Variants in LAMA3 observed in about 807,000 individuals in gnomAD.
LAMA3 encodes the protein laminin subunit alpha-3.
In LAMA3, 281 loss-of-function variants were observed where a neutral mutation model predicts 402.0. That is an observed-to-expected ratio of 0.70 (90% CI 0.63 to 0.77). The LOEUF is 0.77. LAMA3 is among the 30% of genes least tolerant of loss of function. The pLI, the probability that LAMA3 is intolerant of heterozygous loss-of-function variation, is 0.00. For synonymous variants in LAMA3, 1,431 were observed against 1,558.4 expected, an observed-to-expected ratio of 0.92 and a Z score of 1.93; for missense variants, 3,840 against 4,215.5, an observed-to-expected ratio of 0.91 and a Z score of 2.47.
At position 23,946,183 on chromosome 18, in the gene LAMA3, G is replaced by A. The variant is rs574850904; in HGVS notation, c.9250G>A (p.Val3084Met). Reference protein sequence around the residue: ...GHDGEKGRLVVDGLRAREGSL... With the variant: ...GHDGEKGRLVMDGLRAREGSL... ...TGATGGGGAAAAGGGGCGCTTGGTT[G>A]TGGATGGACTGAGGGCCCGGGAGGG... The change falls in exon 70 of 75, where the codon GTG becomes ATG. Residue 3084 changes from valine to methionine, a missense_variant. Val to Met is a conservative substitution (Grantham distance 21, BLOSUM62 1). Transcript: ENST00000313654. The A allele has an allele frequency of 2.5e-6, 4 of 1,614,104 alleles. No individual in the cohort carries two copies. Among genetic ancestry groups the A allele is most frequent in the East Asian group, 2.2e-5 (1 of 44,880 alleles).
intron 62 of LAMA3, 131 bp from the exon 63 acceptor site, chr18:23,927,992 A>G (rs770078450): frequency 1.9e-4 from 144 of 760,808 alleles, no homozygotes; most frequent in Admixed American, 5.7e-4. Flanking sequence ...TGGGAATCCC[A>G]TGGGAAAGGA....
intron 6 of LAMA3, among the ~76,000 whole-genome samples, chr18:23,754,345 T>C (rs2061804955): frequency 6.6e-6 from 1 of 152,226 alleles, no homozygotes; most frequent in African/African-American, 2.4e-5. Flanking sequence ...CTCCTACCAC[T>C]GGCCCCTGGC....
At chr18:23,884,747 G>A (rs1265517940) in intron 40 of LAMA3, 26 bp from the exon 41 acceptor site, 1 of 1,590,156 alleles carries the variant, frequency 6.3e-7, no homozygotes, top group East Asian at 2.2e-5. Context: ...TGTTTTTGAT[G>A]GGGCCTTTTT....
rs2081054803 is a variant in LAMA3, at chr18:23,901,112, G to A, written c.6005-15G>A. ...CTCATCTGTCAAATAGAAAACATGA[G>A]GTGATGTATTACAGTGCTGAACCGG... is the stretch of plus-strand genomic sequence containing the variant. On this transcript the variant is annotated splice_polypyrimidine_tract_variant and intron_variant, in intron 47 of 74. Coordinates refer to ENST00000313654, the MANE Select transcript of LAMA3 (RefSeq NM_198129.4). 2 of 1,608,994 alleles carry A rather than the reference G, an allele frequency of 1.2e-6. No individual in the cohort carries two copies. The highest frequency in any genetic ancestry group is 1.3e-5 in the African/African-American group (1 of 74,834).
chr18:23,751,155 C>G, intron 5 of LAMA3, 67 bp downstream of exon 5: 2 of 1,497,052 alleles, frequency 1.3e-6, no homozygotes, highest in East Asian at 4.5e-5. Flanking sequence ...AAATTAATTG[C>G]CTTGAACTCT....
At chr18:23,753,021 C>G (rs1160694603) in intron 5 of LAMA3, among the ~76,000 whole-genome samples, 1 of 152,222 alleles carries the variant, frequency 6.6e-6, no homozygotes, top group African/African-American at 2.4e-5. Context: ...GAGGAGCTGC[C>G]TATTGTCAGC....
At chr18:23,856,893 G>A (rs1049502635) in intron 32 of LAMA3, among the ~76,000 whole-genome samples, 5 of 152,094 alleles carry the variant, frequency 3.3e-5, no homozygotes, top group Non-Finnish European at 5.9e-5. Flanking sequence ...CCCTAGGTTA[G>A]CCCCCAGTCT....
chr18:23,726,051 A>C (rs2061294551), intron 2 of LAMA3, among the ~76,000 whole-genome samples: 1 of 152,156 alleles, frequency 6.6e-6, no homozygotes, highest in Non-Finnish European at 1.5e-5. Flanking sequence ...CTCCCTTCAC[A>C]GTCATCCTTG....
chr18:23,906,452 A>T (rs73400349), intron 52 of LAMA3, among the ~76,000 whole-genome samples: 5,524 of 152,242 alleles, frequency 0.036, 335 homozygotes, highest in African/African-American at 0.13. Flanking sequence ...TTTTTTAAAT[A>T]ATTAAACTCT....
At chr18:23,902,326 C>A (rs2081099798) in intron 48 of LAMA3, among the ~76,000 whole-genome samples, 1 of 151,810 alleles carries the variant, frequency 6.6e-6, no homozygotes, top group Admixed American at 6.6e-5. Flanking sequence ...CAGAATGAGA[C>A]CTGTCTCAAA....
In LAMA3 at chr18:23,775,787, C is replaced by T; in HGVS notation, c.1274-5C>T. 6 of 1,614,002 alleles carry T rather than the reference C, an allele frequency of 3.7e-6. No individual in the cohort carries two copies. The highest frequency in any genetic ancestry group is 5.1e-6 in the Non-Finnish European group (6 of 1,179,858). On this transcript the variant is annotated splice_polypyrimidine_tract_variant and splice_region_variant and intron_variant, in intron 9 of 74. Coordinates refer to ENST00000313654, the MANE Select transcript of LAMA3 (RefSeq NM_198129.4). ...GGATCCTTTGAAAACTGGGATTTCT[C>T]TTAGCCTGCAGCTGTGACCCTGAGC...
intron 32 of LAMA3, among the ~76,000 whole-genome samples, chr18:23,857,136 G>T (rs1376548280): frequency 6.6e-6 from 1 of 152,218 alleles, no homozygotes; most frequent in Non-Finnish European, 1.5e-5. Context: ...GGTATGAAAA[G>T]CAGGCTTTGG....
At chr18:23,916,922 T>C (rs1163162187) in intron 60 of LAMA3, among the ~76,000 whole-genome samples, 3 of 151,872 alleles carry the variant, frequency 2.0e-5, no homozygotes, top group East Asian at 1.9e-4. Flanking sequence ...GTTTGTTATA[T>C]AGGTAAATCG....
chr18:23,846,770 G>C (rs973036274), intron 31 of LAMA3, among the ~76,000 whole-genome samples: 1 of 152,222 alleles, frequency 6.6e-6, no homozygotes, highest in Non-Finnish European at 1.5e-5. Context: ...CTCCCCTGCT[G>C]TGTGGCCTAT....
At chr18:23,890,263 A>C in intron 42 of LAMA3, 146 bp downstream of exon 42, 1 of 688,028 alleles carries the variant, frequency 1.5e-6, no homozygotes, top group East Asian at 2.7e-5. Context: ...ACACAATTCC[A>C]GCCAGCAAGC....
At chr18:23,807,502 G>A (rs1329353242) in intron 12 of LAMA3, among the ~76,000 whole-genome samples, 1 of 151,944 alleles carries the variant, frequency 6.6e-6, no homozygotes, top group East Asian at 1.9e-4. Context: ...GTGTGTGTAT[G>A]TGTGTGTAGG....
chr18:23,855,286 G>A (rs545422893), intron 32 of LAMA3, among the ~76,000 whole-genome samples: 2 of 152,238 alleles, frequency 1.3e-5, no homozygotes, highest in South Asian at 4.1e-4. Flanking sequence ...TGTGCGTGGT[G>A]TTCTTTCCTT....
At chr18:23,713,269 C>T (rs545760615) in intron 1 of LAMA3, among the ~76,000 whole-genome samples, 8 of 152,304 alleles carry the variant, frequency 5.3e-5, no homozygotes, top group East Asian at 1.9e-4. Flanking sequence ...CAAGACCAGC[C>T]GGCCCCTGTG....
intron 18 of LAMA3, among the ~76,000 whole-genome samples, chr18:23,818,930 C>G (rs557683059): frequency 6.7e-4 from 102 of 152,040 alleles, no homozygotes; most frequent in African/African-American, 2.4e-3. Context: ...TTTAAACATT[C>G]TTTTATGTTA....
Sources: gnomAD v4.1 joint callset for allele counts (sites outside exome capture counted in the v4.1 genomes callset) on GRCh38, gnomAD v4.1.1 for gene constraint, MANE v1.5 for transcripts, NCBI Gene and HGNC (gene_info 2026-07-23, HGNC 2026-07-21) for gene names.